GNA14: variants seen among roughly 807,000 people sequenced by gnomAD.
GNA14 encodes the protein G protein subunit alpha 14.
A neutral mutation model predicts 42.0 loss-of-function variants in GNA14; 50 were observed. The observed-to-expected ratio is 1.19, with a 90% CI of 0.95 to 1.51. GNA14 has a LOEUF of 1.51. Among genes scored for constraint, GNA14 ranks in the 40% most tolerant of loss-of-function variants. The pLI, the probability that GNA14 is intolerant of heterozygous loss-of-function variation, is 0.00. For synonymous variants in GNA14, 173 were observed against 163.1 expected (o/e 1.06, Z -0.46); for missense variants, 473 against 446.2 (o/e 1.06, Z -0.54).
chr9:77,482,252 C>CA (rs1189435181), intron 2 of GNA14, among the ~76,000 whole-genome samples: 1 of 151,930 alleles, frequency 6.6e-6, no homozygotes, highest in Non-Finnish European at 1.5e-5. Context: ...CTGGTGGTGA[C>CA]AAAATCTCTC....
At chr9:77,476,515 T>C (rs1320163772) in intron 2 of GNA14, among the ~76,000 whole-genome samples, 1 of 152,088 alleles carries the variant, frequency 6.6e-6, no homozygotes, top group Non-Finnish European at 1.5e-5. Context: ...ATAGAAACAT[T>C]TGCTGTATAA....
intron 1 of GNA14, among the ~76,000 whole-genome samples, chr9:77,584,514 A>AC (rs1260847039): frequency 2.7e-5 from 2 of 75,212 alleles, no homozygotes; most frequent in Non-Finnish European, 2.7e-5. Flanking sequence ...CTTACCCCCC[A>AC]CCCCCCACCA....
intron 3 of GNA14, 127 bp downstream of exon 3, chr9:77,434,241 A>G (rs1835605366): frequency 1.2e-6 from 1 of 835,872 alleles, no homozygotes. Flanking sequence ...GGGATATGGG[A>G]AAGCAAAGGC....
chr9:77,509,972 T>C (rs563292002), intron 2 of GNA14, among the ~76,000 whole-genome samples: 60 of 152,342 alleles, frequency 3.9e-4, no homozygotes, highest in African/African-American at 1.3e-3. Context: ...TTTCTTGTGA[T>C]AGAATTCACT....
chr9:77,622,116 G>A (rs1823933114), intron 1 of GNA14, among the ~76,000 whole-genome samples: 1 of 152,120 alleles, frequency 6.6e-6, no homozygotes, highest in African/African-American at 2.4e-5. Flanking sequence ...TAGCTTAAAT[G>A]TTTAAATGAA....
At chr9:77,438,342 A>G (rs1449263483) in intron 2 of GNA14, among the ~76,000 whole-genome samples, 1 of 151,872 alleles carries the variant, frequency 6.6e-6, no homozygotes, top group East Asian at 1.9e-4. Flanking sequence ...TCTCAGCTCA[A>G]TGCAATCTCC....
chr9:77,535,084 C>T (rs1394275907), intron 1 of GNA14, among the ~76,000 whole-genome samples: 2 of 152,188 alleles, frequency 1.3e-5, no homozygotes, highest in Admixed American at 1.3e-4. Flanking sequence ...TAGGAAGGAG[C>T]GTTTCTCAGC....
intron 2 of GNA14, among the ~76,000 whole-genome samples, chr9:77,467,650 C>CTTT (rs3052383): frequency 1.4e-5 from 2 of 139,678 alleles, no homozygotes; most frequent in Non-Finnish European, 1.5e-5. Context: ...CGGAGCTCTC[C>CTTT]TTTTTTTTTT....
chr9:77,602,502 C>A (rs2117919945), intron 1 of GNA14, among the ~76,000 whole-genome samples: 1 of 152,304 alleles, frequency 6.6e-6, no homozygotes, highest in South Asian at 2.1e-4. Context: ...ATATTACCCA[C>A]TAGCCCTCCC....
intron 2 of GNA14, among the ~76,000 whole-genome samples, chr9:77,465,574 C>A (rs970855631): frequency 4.0e-5 from 6 of 149,806 alleles, no homozygotes; most frequent in African/African-American, 1.5e-4. Context: ...ACAAACTATT[C>A]TAAAGCAGTT....
chr9:77,454,513 A>C (rs117089684), intron 2 of GNA14, among the ~76,000 whole-genome samples: 5 of 151,882 alleles, frequency 3.3e-5, no homozygotes, highest in African/African-American at 1.2e-4. Flanking sequence ...TTATCTGATA[A>C]TAGTGGGGAC....
chr9:77,612,894 C>T (rs892494939), intron 1 of GNA14, among the ~76,000 whole-genome samples: 4 of 152,174 alleles, frequency 2.6e-5, no homozygotes, highest in African/African-American at 7.2e-5. Context: ...AAAGCAGGAT[C>T]TGAATGAGAT....
chr9:77,454,873 T>C (rs751715673), intron 2 of GNA14, among the ~76,000 whole-genome samples: 4 of 152,240 alleles, frequency 2.6e-5, no homozygotes, highest in Non-Finnish European at 4.4e-5. Context: ...ATGTTTAGTT[T>C]GGGAAATGCC....
intron 1 of GNA14, among the ~76,000 whole-genome samples, chr9:77,586,852 A>G (rs897241670): frequency 6.6e-6 from 1 of 151,894 alleles, no homozygotes; most frequent in African/African-American, 2.4e-5. Context: ...GGAAGATGGA[A>G]CCTCCATGTT....
chr9:77,580,448 C>T (rs1480672198), intron 1 of GNA14: 1 of 320,972 alleles, frequency 3.1e-6, no homozygotes, highest in Admixed American at 3.4e-5. Flanking sequence ...AGTACAGCAT[C>T]ACAGGCACAG....
chr9:77,453,005 G>C (rs1380745213), intron 2 of GNA14, among the ~76,000 whole-genome samples: 1 of 151,988 alleles, frequency 6.6e-6, no homozygotes, highest in African/African-American at 2.4e-5. Flanking sequence ...CAGCCGGGTG[G>C]TGTGTGTACC....
intron 1 of GNA14, among the ~76,000 whole-genome samples, chr9:77,623,504 C>G (rs1161003167): frequency 2.0e-5 from 3 of 152,148 alleles, no homozygotes; most frequent in African/African-American, 7.2e-5. Flanking sequence ...AGGAACAGCT[C>G]CTGTCTGCAG....
At chr9:77,592,186 G>A (rs1049813222) in intron 1 of GNA14, among the ~76,000 whole-genome samples, 18 of 152,124 alleles carry the variant, frequency 1.2e-4, no homozygotes, top group African/African-American at 3.6e-4. Flanking sequence ...ACAGGCGTGA[G>A]CCACCGTGCC....
chr9:77,618,605 TATATATATATATA>T (rs1823865399), intron 1 of GNA14, among the ~76,000 whole-genome samples: 2 of 13,426 alleles, frequency 1.5e-4, no homozygotes, highest in Admixed American at 7.1e-4. Flanking sequence ...TATATATATA[TATATATATATATA>T]TATTTTTTTT....
Sources: allele counts gnomAD v4.1 joint callset (sites outside exome capture counted in the v4.1 genomes callset), GRCh38; gene constraint gnomAD v4.1.1; transcripts MANE v1.5; gene names NCBI Gene and HGNC (gene_info 2026-07-23, HGNC 2026-07-21).